DDX31: variants seen among roughly 807,000 people sequenced by gnomAD.
The protein encoded by DDX31 is ATP-dependent DNA helicase DDX31.
Under a neutral mutation model 91.3 loss-of-function variants are expected in DDX31, and 70 were observed. The observed-to-expected ratio is 0.77, with a 90% confidence interval of 0.63 to 0.94. The LOEUF (loss-of-function observed/expected upper bound fraction) is 0.94. Among genes scored for constraint, DDX31 ranks in the 40% least tolerant of loss-of-function variants. The probability of loss-of-function intolerance (pLI) is 0.00; values close to 1 mark genes in which losing one functional copy is unlikely to be tolerated. For synonymous variants in DDX31, 362 were observed against 350.6 expected (o/e 1.03, Z -0.36); for missense variants, 902 against 925.0 (o/e 0.98, Z 0.32).
intron 16 of DDX31, among the ~76,000 whole-genome samples, chr9:132,628,530 A>G (rs940933690): frequency 3.3e-5 from 5 of 152,122 alleles, no homozygotes; most frequent in African/African-American, 9.7e-5. Flanking sequence ...TTCCCTTCTC[A>G]ATTTTAGCTT....
chr9:132,647,122 GTACCCCCA>G, intron 11 of DDX31, 64 bp from the exon 12 acceptor site: 1 of 1,480,450 alleles, frequency 6.8e-7, no homozygotes. Flanking sequence ...TCACAAAAGC[GTACCCCCA>G]TACAGCACCC....
intron 16 of DDX31, among the ~76,000 whole-genome samples, chr9:132,627,591 T>C (rs1832472762): frequency 6.6e-6 from 1 of 152,236 alleles, no homozygotes; most frequent in African/African-American, 2.4e-5. Flanking sequence ...ATGATGATTT[T>C]CATTAGAAAC....
chr9:132,640,439 G>C (rs1156796638), intron 14 of DDX31, among the ~76,000 whole-genome samples: 2 of 152,112 alleles, frequency 1.3e-5, no homozygotes, highest in African/African-American at 4.8e-5. Context: ...AGACAAATAG[G>C]GGTCAGGTTC....
intron 13 of DDX31, among the ~76,000 whole-genome samples, chr9:132,642,412 C>T (rs1468075705): frequency 2.0e-5 from 3 of 152,214 alleles, no homozygotes. Context: ...TCTAAACATT[C>T]TCCTACAAGT....
chr9:132,625,245 GAACT>G (rs879678729), intron 17 of DDX31, among the ~76,000 whole-genome samples: 4 of 152,136 alleles, frequency 2.6e-5, no homozygotes, highest in Non-Finnish European at 4.4e-5. Flanking sequence ...AAAAATGGAT[GAACT>G]AACTGTGTCT....
At chr9:132,631,465 A>G (rs1832713333) in intron 15 of DDX31, among the ~76,000 whole-genome samples, 1 of 152,210 alleles carries the variant, frequency 6.6e-6, no homozygotes, top group Non-Finnish European at 1.5e-5. Flanking sequence ...AATGTGAATA[A>G]ACCATGACTC....
chr9:132,644,217 TA>T (rs1333649293), intron 13 of DDX31, among the ~76,000 whole-genome samples: 1 of 152,216 alleles, frequency 6.6e-6, no homozygotes, highest in African/African-American at 2.4e-5. Context: ...TTCTACTTTT[TA>T]AACTATAAAA....
intron 4 of DDX31, 174 bp downstream of exon 4, chr9:132,661,034 A>G (rs886447117): frequency 7.9e-6 from 5 of 634,386 alleles, no homozygotes; most frequent in Non-Finnish European, 1.4e-5. Context: ...CAGTCTTTCC[A>G]TTTAACAGGT....
intron 1 of DDX31, 63 bp from the exon 2 acceptor site, chr9:132,662,758 G>C (rs1835060115): frequency 1.2e-6 from 2 of 1,600,680 alleles, no homozygotes; most frequent in Non-Finnish European, 1.7e-6. Context: ...ACAGAGCTCG[G>C]AGTGAAGCCT....
In DDX31 at chr9:132,638,480, C is replaced by T. The variant is rs374181405; in HGVS notation, c.1440+3524G>A. The T allele has an allele frequency of 3.2e-5, 45 of 1,391,702 alleles. No individual in the cohort carries two copies. In the African/African-American group the frequency reaches 5.4e-4, roughly 17 times the overall value. The allele number at this position is 1,391,702 out of a possible 1,614,324, so 86.2% of individuals were successfully genotyped here. A position where few individuals can be genotyped will look rare whatever the true frequency, so the allele number is the denominator to read the frequency against. ...TTGAACTTCCAATGACTCCTTCTTG[C>T]TCATCCCTACTTCCTACTTAACTTG... On this transcript the variant is annotated intron_variant, in intron 14 of 19. Transcript: ENST00000372159.
At position 132,609,671 on chromosome 9, in the gene DDX31, G is replaced by T. The variant is rs142273641; in HGVS notation, c.1994+2416C>A. ...GCGTCTCACTCTGTCGCCCAGGCTGGAGTGCAGTGGCGCGATCTCGGCTCA... is the reference window on the plus strand; with the variant it reads ...GCGTCTCACTCTGTCGCCCAGGCTGTAGTGCAGTGGCGCGATCTCGGCTCA... On this transcript the variant is annotated intron_variant, in intron 19 of 19. Transcript: ENST00000372159. 5.6e-3 allele frequency among the ~76,000 whole-genome samples: 848 copies of T among 152,136 alleles called. 3 individuals are homozygous for T. The highest frequency in any genetic ancestry group is 0.015 in the African/African-American group (629 of 41,484).
rs151000724 is a variant in DDX31 at position 132,614,871 on chromosome 9, G to A, written c.1826-2616C>T. Among the ~76,000 whole-genome samples, 437 of 152,256 alleles carry A rather than the reference G, an allele frequency of 2.9e-3. 2 individuals are homozygous for A. The highest frequency in any genetic ancestry group is 5.1e-3 in the Non-Finnish European group (345 of 68,022). On this transcript the variant is annotated intron_variant, in intron 18 of 19. Transcript: ENST00000372159. Reference sequence around the variant, plus strand: ...TGTCCTCAAGGCTCCTGTCTCACCGGGGACAGCGACAGTTGGTTGTTCTCA... The same window carrying A: ...TGTCCTCAAGGCTCCTGTCTCACCGAGGACAGCGACAGTTGGTTGTTCTCA...
intron 7 of DDX31, 125 bp downstream of exon 7, chr9:132,652,323 G>T: frequency 2.8e-6 from 3 of 1,071,432 alleles, no homozygotes; most frequent in Non-Finnish European, 2.7e-6. Flanking sequence ...TGGTTTCCAG[G>T]CAAATGGAAC....
At chr9:132,626,784 GAA>G (rs1178097448) in intron 16 of DDX31, among the ~76,000 whole-genome samples, 2 of 152,090 alleles carry the variant, frequency 1.3e-5, no homozygotes, top group African/African-American at 2.4e-5. Flanking sequence ...CGATTTACCT[GAA>G]ATGTGTCATC....
intron 1 of DDX31, among the ~76,000 whole-genome samples, chr9:132,668,920 G>A (rs910754009): frequency 6.6e-6 from 1 of 152,214 alleles, no homozygotes; most frequent in South Asian, 2.1e-4. Flanking sequence ...ATACATTTCA[G>A]AAATACACTG....
At chr9:132,637,354 G>T (rs1339793488) in intron 14 of DDX31, among the ~76,000 whole-genome samples, 1 of 152,230 alleles carries the variant, frequency 6.6e-6, no homozygotes, top group African/African-American at 2.4e-5. Context: ...AGTCAGTTCT[G>T]AAAGACACTC....
Position 132,667,299 on chromosome 9 carries a change from G to C in DDX31, c.75+2561C>G, listed in dbSNP as rs776833663. On this transcript the variant is annotated intron_variant, in intron 1 of 19. Coordinates refer to ENST00000372159, the MANE Select transcript of DDX31 (RefSeq NM_022779.9). The stretch of plus-strand genomic sequence containing the variant: ...CAGCATATCCATCATTCTCATTCAC[G>C]ACATCAATGAAAATGTAGATCTAGG... Among the ~76,000 whole-genome samples the C allele has an allele frequency of 3.3e-5, 5 of 151,944 alleles. No homozygotes were observed. In the East Asian group the frequency reaches 9.7e-4, roughly 30 times the overall value.
intron 14 of DDX31, among the ~76,000 whole-genome samples, chr9:132,638,766 T>G (rs1001799903): frequency 2.6e-5 from 4 of 152,186 alleles, no homozygotes; most frequent in African/African-American, 9.7e-5. Context: ...CATGCACCCT[T>G]AACTGTTCCT....
intron 11 of DDX31, among the ~76,000 whole-genome samples, chr9:132,647,394 C>T (rs963922670): frequency 1.1e-4 from 17 of 152,026 alleles, no homozygotes; most frequent in Non-Finnish European, 1.8e-4. Flanking sequence ...TTCACAAAAG[C>T]GTTTTTGCTA....
Sources: gnomAD v4.1 joint callset for allele counts (sites outside exome capture counted in the v4.1 genomes callset) on GRCh38, gnomAD v4.1.1 for gene constraint, MANE v1.5 for transcripts, NCBI Gene and HGNC (gene_info 2026-07-23, HGNC 2026-07-21) for gene names.